The following LDLRAD3 variants were observed in gnomAD, a reference collection of about 807,000 sequenced individuals.
LDLRAD3 encodes low density lipoprotein receptor class A domain containing 3, also known as low-density lipoprotein receptor class A domain-containing protein 3.
In LDLRAD3, 20 loss-of-function variants were observed where a neutral mutation model predicts 29.4. The observed-to-expected ratio is 0.68, with a 90% CI of 0.48 to 0.99. The LOEUF (loss-of-function observed/expected upper bound fraction) is 0.99. Ranked by LOEUF, LDLRAD3 falls within the 50% of genes least tolerant of loss-of-function variation. The pLI is 0.00. For synonymous variants in LDLRAD3, 157 were observed against 192.7 expected (o/e 0.81, Z 1.53); for missense variants, 420 against 454.3 (o/e 0.92, Z 0.69).
intron 4 of LDLRAD3, among the ~76,000 whole-genome samples, chr11:36,191,576 C>CTATATATATATATATATATATATATA (rs71310173): frequency 1.9e-5 from 1 of 53,440 alleles, no homozygotes; most frequent in South Asian, 8.4e-4. Flanking sequence ...CTCTCTCTCT[C>CTATATATATATATATATATATATATA]TATATATATA....
chr11:36,177,502 CA>C (rs1296963616), intron 4 of LDLRAD3, among the ~76,000 whole-genome samples: 1 of 152,206 alleles, frequency 6.6e-6, no homozygotes, highest in Non-Finnish European at 1.5e-5. Context: ...TTTTGTCCCA[CA>C]GGGTGGTCCC....
intron 4 of LDLRAD3, among the ~76,000 whole-genome samples, chr11:36,209,353 CTTTTTTTTTT>C (rs71044560): frequency 4.4e-5 from 3 of 68,604 alleles, no homozygotes; most frequent in African/African-American, 1.7e-4. Context: ...AGAAACTGTA[CTTTTTTTTTT>C]TTTTTTTTTT....
Position 36,098,463 on chromosome 11 carries a change from T to A in LDLRAD3, c.454+2T>A. The A allele has an allele frequency of 6.2e-7, 1 of 1,614,178 alleles. No homozygotes were observed. The highest frequency in any genetic ancestry group is 8.5e-7 in the Non-Finnish European group (1 of 1,180,014). On this transcript the variant is annotated splice_donor_variant, in intron 4 of 5. Coordinates refer to ENST00000315571, the MANE Select transcript of LDLRAD3 (RefSeq NM_174902.4). LOFTEE classifies it high-confidence loss of function. ...AGGAAAGCTGTGAAAGTTCTCAAGG[T>A]AGGAACCTCTCAAGCTCTAAAAAGA...
At chr11:36,128,864 AAAGAG>A (rs1208159413) in intron 4 of LDLRAD3, among the ~76,000 whole-genome samples, 1 of 151,794 alleles carries the variant, frequency 6.6e-6, no homozygotes, top group Non-Finnish European at 1.5e-5. Flanking sequence ...AAAAAAAAAA[AAAGAG>A]AGAAAAGAAA....
chr11:36,075,419 G>C (rs12361738), intron 2 of LDLRAD3, among the ~76,000 whole-genome samples: 68,704 of 151,968 alleles, frequency 0.45, 15,702 homozygotes, highest in Middle Eastern at 0.58. Context: ...TTATATGAAG[G>C]GACTGTAGTG....
At chr11:36,154,869 T>C (rs1355324820) in intron 4 of LDLRAD3, among the ~76,000 whole-genome samples, 4 of 152,196 alleles carry the variant, frequency 2.6e-5, no homozygotes, top group Non-Finnish European at 4.4e-5. Flanking sequence ...CCCTGGCCTC[T>C]ACCACAAGTC....
At chr11:36,194,198 A>G (rs995448400) in intron 4 of LDLRAD3, among the ~76,000 whole-genome samples, 2 of 152,098 alleles carry the variant, frequency 1.3e-5, no homozygotes, top group Non-Finnish European at 2.9e-5. Context: ...GGTATATGCT[A>G]GGTGGTGCTT....
intron 4 of LDLRAD3, among the ~76,000 whole-genome samples, chr11:36,187,912 G>A (rs1252602817): frequency 6.6e-6 from 1 of 152,148 alleles, no homozygotes; most frequent in Non-Finnish European, 1.5e-5. Context: ...TAATAGCAAA[G>A]CCTTGTGTTT....
intron 1 of LDLRAD3, among the ~76,000 whole-genome samples, chr11:36,019,610 G>T (rs151154952): frequency 1.3e-5 from 2 of 152,164 alleles, no homozygotes; most frequent in African/African-American, 2.4e-5. Context: ...ACCCCTTTAG[G>T]CTCCTTCATT....
At chr11:36,114,520 G>A (rs1455752662) in intron 4 of LDLRAD3, among the ~76,000 whole-genome samples, 3 of 152,136 alleles carry the variant, frequency 2.0e-5, no homozygotes, top group Non-Finnish European at 4.4e-5. Context: ...GTTGTTCTCT[G>A]GATGACAGGA....
At chr11:36,021,616 A>G (rs1852097054) in intron 1 of LDLRAD3, among the ~76,000 whole-genome samples, 2 of 152,080 alleles carry the variant, frequency 1.3e-5, no homozygotes, top group South Asian at 4.2e-4. Flanking sequence ...ATGGCAAGGG[A>G]TTGAAGAATA....
chr11:36,200,631 T>TG (rs1398202181), intron 4 of LDLRAD3, among the ~76,000 whole-genome samples: 1 of 152,032 alleles, frequency 6.6e-6, no homozygotes, highest in Non-Finnish European at 1.5e-5. Flanking sequence ...GGTGATGGGG[T>TG]GGGGGAAGAC....
chr11:36,205,597 T>G (rs1855195692), intron 4 of LDLRAD3, among the ~76,000 whole-genome samples: 1 of 152,144 alleles, frequency 6.6e-6, no homozygotes, highest in South Asian at 2.1e-4. Context: ...CAAAAAAGGG[T>G]TTAAGAGCTG....
chr11:36,174,333 G>A (rs1854640334), intron 4 of LDLRAD3, among the ~76,000 whole-genome samples: 2 of 152,180 alleles, frequency 1.3e-5, no homozygotes, highest in South Asian at 4.1e-4. Flanking sequence ...AACACCAAAA[G>A]CAATGGCAAC....
At chr11:35,993,981 T>G (rs1442836507) in intron 1 of LDLRAD3, among the ~76,000 whole-genome samples, 2 of 152,202 alleles carry the variant, frequency 1.3e-5, no homozygotes, top group Non-Finnish European at 2.9e-5. Flanking sequence ...TTAAAGGTTT[T>G]CTTTTCTCCC....
Position 36,231,064 on chromosome 11 carries a change from A to C in LDLRAD3, c.*1667A>C, listed in dbSNP as rs538892023. ...GAAACCACACTGACTGATGAGGGGT[A>C]AAATGGAACCAGGTAGAGCCACTCC... On this transcript the variant is annotated 3_prime_UTR_variant, in exon 6 of 6. Transcript: ENST00000315571. 6.6e-6 allele frequency: 1 copy of C among 152,634 alleles called. No homozygotes were observed. The highest frequency in any genetic ancestry group is 2.1e-4 in the South Asian group (1 of 4,824). The allele number at this position is 152,634 out of a possible 1,614,324, so 9.5% of individuals were successfully genotyped here.
At chr11:35,969,866 A>G (rs1200390658) in intron 1 of LDLRAD3, among the ~76,000 whole-genome samples, 2 of 152,188 alleles carry the variant, frequency 1.3e-5, no homozygotes, top group Admixed American at 6.5e-5. Context: ...TAAAATATTT[A>G]CTTCAGTGAC....
At chr11:36,136,754 G>C (rs1050140514) in intron 4 of LDLRAD3, among the ~76,000 whole-genome samples, 1 of 151,340 alleles carries the variant, frequency 6.6e-6, no homozygotes, top group South Asian at 2.1e-4. Flanking sequence ...ACAGTGGCGC[G>C]ATCTTAGCTC....
chr11:36,052,338 G>A (rs1852541132), intron 2 of LDLRAD3, among the ~76,000 whole-genome samples: 1 of 152,224 alleles, frequency 6.6e-6, no homozygotes, highest in South Asian at 2.1e-4. Context: ...AAATCAAATA[G>A]ATCGCAGATG....
Sources: gnomAD v4.1 joint callset for allele counts (sites outside exome capture counted in the v4.1 genomes callset) on GRCh38, gnomAD v4.1.1 for gene constraint, MANE v1.5 for transcripts, NCBI Gene and HGNC (gene_info 2026-07-23, HGNC 2026-07-21) for gene names.